Variants in SCRIB observed in about 807,000 individuals in gnomAD.
SCRIB encodes protein scribble homolog.
In SCRIB, 72 loss-of-function variants were observed where a neutral mutation model predicts 170.0. That is an observed-to-expected ratio of 0.42 (90% CI 0.35 to 0.52). The LOEUF is 0.52. SCRIB is among the 20% of genes least tolerant of loss of function. The probability of loss-of-function intolerance (pLI) is 0.02; values close to 1 mark genes in which losing one functional copy is unlikely to be tolerated. For synonymous variants in SCRIB, 1,298 were observed against 1,044.3 expected (o/e 1.24, Z -4.68); for missense variants, 2,475 against 2,338.5 (o/e 1.06, Z -1.20).
Position 143,803,865 on chromosome 8 carries a change from C to A in SCRIB, c.3196G>T (p.Val1066Leu). 1.2e-6 allele frequency: 2 copies of A among 1,600,114 alleles called. No individual in the cohort carries two copies. The highest frequency in any genetic ancestry group is 2.3e-5 in the East Asian group (1 of 44,344). Reference protein sequence around the residue: ...DRILAVNGQDVRDATHQEAVS... With the variant: ...DRILAVNGQDLRDATHQEAVS... ...GCTTCTTGGTGCGTGGCATCCCGCA[C>A]GTCTTGCCCGTTCACTGCCAGGATG... Residue 1066 changes from valine to leucine, a missense_variant, in exon 23 of 37, where the codon GTG becomes TTG. By Grantham distance (32) the Val-to-Leu change is conservative. This residue lies in a region of SCRIB where 1,966 missense variants were observed against 1,742.9 expected (regional missense o/e 1.13). Coordinates refer to ENST00000356994, the MANE Select transcript of SCRIB (RefSeq NM_182706.5).
Position 143,807,008 on chromosome 8 carries a change from G to A in SCRIB, c.2184C>T (p.Thr728=), listed in dbSNP as rs1554636771. 3 of 1,610,638 alleles carry A rather than the reference G, an allele frequency of 1.9e-6. No homozygotes were observed. Among genetic ancestry groups the A allele is most frequent in the South Asian group, 2.2e-5 (2 of 90,270 alleles). ...CCCCAGTCTGCCGCAGGATAGTGAG[G>A]GTCAGCTGGAAACAGAACAGACAGG... The part of the protein sequence containing the change: ...EPARIEEEEL[T]LTILRQTGGL... Residue 728 remains threonine, a synonymous_variant, in exon 17 of 37, where the codon ACC becomes ACT. Transcript: ENST00000356994.
chr8:143,791,510 C>T, intron 35 of SCRIB, 70 bp from the exon 36 acceptor site: 1 of 1,591,546 alleles, frequency 6.3e-7, no homozygotes, highest in South Asian at 1.1e-5. Context: ...GACGGGTGGG[C>T]TCCCAGCCCT....
Position 143,806,880 on chromosome 8 carries a change from G to A in SCRIB, c.2268+44C>T, listed in dbSNP as rs372055128. 105 of 1,348,316 alleles carry A rather than the reference G, an allele frequency of 7.8e-5. No homozygotes were observed. In the African/African-American group the frequency reaches 1.2e-3, roughly 16 times the overall value. The allele number at this position is 1,348,316 out of a possible 1,614,324, so 83.5% of individuals were successfully genotyped here. A position where few individuals can be genotyped will look rare whatever the true frequency, so the allele number is the denominator to read the frequency against. On this transcript the variant is annotated intron_variant, in intron 17 of 36. Transcript: ENST00000356994. ...GTGCCATCAGTGTGAACTGTGGTGG[G>A]GCAGGCCAGTGGCAGCGGAAAGGCC...
rs1462737376 is a variant in SCRIB, at chr8:143,812,954, C to T, written c.650G>A (p.Gly217Glu). The T allele has an allele frequency of 6.2e-7, 1 of 1,612,646 alleles. No homozygotes were observed. The highest frequency in any genetic ancestry group is 2.2e-5 in the East Asian group (1 of 44,882). ...CAGGCACACCAGGCGCCGCAGGTTCCCGAGCTCCTGCAGGTGGGCAGAGAG... is the reference window on the plus strand; with the variant it reads ...CAGGCACACCAGGCGCCGCAGGTTCTCGAGCTCCTGCAGGTGGGCAGAGAG... ...NQLSALPPEL[G>E]NLRRLVCLDV... The change falls in exon 8 of 37, where the codon GGG (glycine) becomes GAG (glutamate). Residue 217 changes from glycine to glutamate, a missense_variant. By Grantham distance (98) the Gly-to-Glu change is moderately conservative. Transcript: ENST00000356994.
intron 22 of SCRIB, 32 bp downstream of exon 22, chr8:143,804,014 T>A (rs1554635728): frequency 1.3e-6 from 2 of 1,583,148 alleles, no homozygotes. Context: ...TGGGTGCACC[T>A]CTCACAGAAC....
intron 28 of SCRIB, chr8:143,793,575 AC>A: frequency 2.8e-6 from 1 of 360,538 alleles, no homozygotes; most frequent in Non-Finnish European, 5.0e-6. Context: ...GGGGGCAAGG[AC>A]CCCCAGACAA....
intron 24 of SCRIB, among the ~76,000 whole-genome samples, chr8:143,796,253 G>A (rs1814938501): frequency 6.6e-6 from 1 of 152,104 alleles, no homozygotes; most frequent in African/African-American, 2.4e-5. Context: ...GCGGGCAACG[G>A]GACTGCTTCA....
chr8:143,814,153 G>A lies in SCRIB; in HGVS notation c.160-35C>T, dbSNP rs374882664. 16 of 1,504,704 alleles carry A rather than the reference G, an allele frequency of 1.1e-5. No individual in the cohort carries two copies. In the African/African-American group the frequency reaches 1.2e-4, roughly 12 times the overall value. The allele number at this position is 1,504,704 out of a possible 1,614,324, so 93.2% of individuals were successfully genotyped here. A position where few individuals can be genotyped will look rare whatever the true frequency, so the allele number is the denominator to read the frequency against. ...GGGAGGACACGGACTCTGTGGCAGAGACCACTGCAGAGCAGAGAAGAGCTC... is the reference window on the plus strand; with the variant it reads ...GGGAGGACACGGACTCTGTGGCAGAAACCACTGCAGAGCAGAGAAGAGCTC... On this transcript the variant is annotated intron_variant, in intron 1 of 36. Coordinates refer to ENST00000356994, the MANE Select transcript of SCRIB (RefSeq NM_182706.5).
Position 143,811,147 on chromosome 8 carries a change from G to A in SCRIB, c.1105C>T (p.Arg369Cys), listed in dbSNP as rs200867026. ...ELHVLDVAGN[R>C]LQSLPFALTH... ...CCGCAGGGCAAGGCTGGCACTCACC[G>A]GTTCCCCGCCACGTCCAGCACGTGC... The change falls in exon 10 of 37, where the codon CGC becomes TGC. Residue 369 changes from arginine (R) to cysteine (C), a missense_variant and splice_region_variant. Physicochemically the swap from Arg to Cys is radical, Grantham distance 180. Around this residue, in one of 3 missense-constraint regions of SCRIB, gnomAD observed 487 missense variants for 558.1 expected, o/e 0.87. Transcript: ENST00000356994. The A allele has an allele frequency of 2.2e-4, 358 of 1,599,442 alleles. 1 individual carries two copies. In the East Asian group the frequency reaches 7.7e-3, roughly 35 times the overall value.
rs1554635890 is a variant in SCRIB at position 143,804,630 on chromosome 8, C to T, written c.2947G>A (p.Gly983Arg). Residue 983 changes from glycine (G) to arginine (R), a missense_variant, in exon 21 of 37, where the codon GGG becomes AGG. Gly to Arg is a moderately radical substitution (Grantham distance 125). This residue lies in a region of SCRIB where 1,966 missense variants were observed against 1,742.9 expected (regional missense o/e 1.13). Coordinates refer to ENST00000356994, the MANE Select transcript of SCRIB (RefSeq NM_182706.5). ...AGGCTGGGGGCCAGGCTCGGCAACC[C>T]AGGCACCCCGGGGGTGGCAGTGGTT... Reference protein sequence around the residue: ...SITTATPGVPGLPSLAPSLLA... With the variant: ...SITTATPGVPRLPSLAPSLLA... The T allele has an allele frequency of 6.5e-7, 1 of 1,529,644 alleles. No homozygotes were observed. Among genetic ancestry groups the T allele is most frequent in the Non-Finnish European group, 8.8e-7 (1 of 1,138,942 alleles). The allele number at this position is 1,529,644 out of a possible 1,614,324, so 94.8% of individuals were successfully genotyped here. A position where few individuals can be genotyped will look rare whatever the true frequency, so the allele number is the denominator to read the frequency against.
rs1377351964 is a variant in SCRIB, at chr8:143,813,733, G to A, written c.357-7C>T. 5 of 1,613,340 alleles carry A rather than the reference G, an allele frequency of 3.1e-6. No individual in the cohort carries two copies. The highest frequency in any genetic ancestry group is 3.4e-6 in the Non-Finnish European group (4 of 1,179,916). ...AGTGAAGCCATCAGGGAGCCTGGAT[G>A]GGAGGAAGCAGAGGCCCTCGGATGA... On this transcript the variant is annotated splice_polypyrimidine_tract_variant and splice_region_variant and intron_variant, in intron 3 of 36. Coordinates refer to ENST00000356994, the MANE Select transcript of SCRIB (RefSeq NM_182706.5).
intron 21 of SCRIB, among the ~76,000 whole-genome samples, 153 bp from the exon 22 acceptor site, chr8:143,804,309 C>A (rs1461285842): frequency 3.3e-5 from 5 of 152,252 alleles, no homozygotes; most frequent in Non-Finnish European, 7.3e-5. Context: ...GTTCTGCTGC[C>A]CAGGCAGGCA....
intron 24 of SCRIB, among the ~76,000 whole-genome samples, chr8:143,798,778 G>C (rs1164137472): frequency 6.6e-6 from 1 of 152,108 alleles, no homozygotes; most frequent in African/African-American, 2.4e-5. Context: ...CCACAGAGCA[G>C]CAAAGGCAGT....
At position 143,814,106 on chromosome 8, in the gene SCRIB, G is replaced by A. The variant is rs573158520; in HGVS notation, c.172C>T (p.Leu58=). Residue 58 remains leucine, a synonymous_variant, in exon 2 of 37, where the codon CTG becomes TTG. Coordinates refer to ENST00000356994, the MANE Select transcript of SCRIB (RefSeq NM_182706.5). ...LRELPKPFFR[L]LNLRKLGLSD... ...AGGCCCAGCTTGCGCAAGTTCAGCA[G>A]CCGGAAAAAAGGCTGTGGGCAGGGA... is the stretch of plus-strand genomic sequence containing the variant. The A allele has an allele frequency of 2.3e-4, 365 of 1,553,664 alleles. 1 individual carries two copies. The South Asian group carries it at 4.2e-3, about 18-fold the overall frequency.
intron 35 of SCRIB, 71 bp downstream of exon 35, chr8:143,791,595 G>A (rs1327142000): frequency 6.6e-7 from 1 of 1,520,846 alleles, no homozygotes; most frequent in East Asian, 2.3e-5. Context: ...GGGAGGCCCT[G>A]CGGGAGCGGA....
chr8:143,807,546 A>G lies in SCRIB; in HGVS notation c.2178+6T>C. The G allele has an allele frequency of 1.9e-6, 3 of 1,612,888 alleles. No homozygotes were observed. The highest frequency in any genetic ancestry group is 2.5e-6 in the Non-Finnish European group (3 of 1,178,928). On this transcript the variant is annotated splice_donor_region_variant and intron_variant, in intron 16 of 36. Coordinates refer to ENST00000356994, the MANE Select transcript of SCRIB (RefSeq NM_182706.5). ...CCGGCCAGAGTGCAGAGCGAGCAGT[A>G]CAGACCTCTTCCTCCTCAATGCGAG...
rs776092069 is a variant in SCRIB at position 143,810,872 on chromosome 8, AC to A, written c.1273+33del. ...AGTCCCCAAACCCTGCCTGAGAGCC[AC>A]CCCGCGCTAAGCACCGGTTGCCAAC... On this transcript the variant is annotated intron_variant, in intron 11 of 36. Coordinates refer to ENST00000356994, the MANE Select transcript of SCRIB (RefSeq NM_182706.5). The A allele has an allele frequency of 3.7e-6, 6 of 1,608,726 alleles. No individual in the cohort carries two copies. The South Asian group carries it at 5.5e-5, about 15-fold the overall frequency.
intron 24 of SCRIB, among the ~76,000 whole-genome samples, chr8:143,803,166 G>A (rs1268103362): frequency 2.0e-5 from 3 of 152,154 alleles, no homozygotes; most frequent in African/African-American, 7.2e-5. Context: ...CTTGGACTGG[G>A]CCTCTGGACA....
rs1554635505 is a variant in SCRIB at position 143,803,653 on chromosome 8, G to A, written c.3408C>T (p.Ile1136=). The A allele has an allele frequency of 2.6e-6, 4 of 1,555,088 alleles. No homozygotes were observed. Among genetic ancestry groups the A allele is most frequent in the Non-Finnish European group, 3.5e-6 (4 of 1,155,486 alleles). ...TGGGGTGGGGGGGGCTCACCTTGGA[G>A]ATGAAGATGCCCTCGTCTGTGGGGT... ...PRDPTDEGIF[I]SKVSPTGAAG... is the part of the protein sequence containing the mutation. Residue 1136 remains isoleucine, a synonymous_variant, in exon 23 of 37, where the codon ATC becomes ATT. Transcript: ENST00000356994.
Sources: allele counts gnomAD v4.1 joint callset (sites outside exome capture counted in the v4.1 genomes callset), GRCh38; gene constraint gnomAD v4.1.1; regional missense constraint gnomAD v4.1.1; transcripts MANE v1.5; gene names NCBI Gene and HGNC (gene_info 2026-07-23, HGNC 2026-07-21).